The following EPB41 variants were observed in gnomAD, a reference collection of about 807,000 sequenced individuals.
EPB41 encodes the protein protein 4.1.
A neutral mutation model predicts 108.0 loss-of-function variants in EPB41; 65 were observed. The observed-to-expected ratio is 0.60, with a 90% CI of 0.49 to 0.74. The LOEUF (loss-of-function observed/expected upper bound fraction) is 0.74. Ranked by LOEUF, EPB41 falls within the 30% of genes least tolerant of loss-of-function variation. The pLI is 0.00. For synonymous variants in EPB41, 336 were observed against 358.9 expected, an observed-to-expected ratio of 0.94 and a Z score of 0.72; for missense variants, 875 against 1,037.0, an observed-to-expected ratio of 0.84 and a Z score of 2.15.
intron 16 of EPB41, among the ~76,000 whole-genome samples, chr1:29,082,632 G>A (rs1399967047): frequency 6.6e-6 from 1 of 152,044 alleles, no homozygotes; most frequent in Non-Finnish European, 1.5e-5. Flanking sequence ...AAATAAAACT[G>A]ACCACCAAAC....
chr1:29,039,143 A>G (rs1640571049), intron 10 of EPB41, 111 bp from the exon 11 acceptor site: 1 of 1,221,926 alleles, frequency 8.2e-7, no homozygotes. Flanking sequence ...AACTATATGG[A>G]AACCCTGAGA....
chr1:29,027,550 C>G (rs1447691923), intron 7 of EPB41, among the ~76,000 whole-genome samples: 2 of 151,514 alleles, frequency 1.3e-5, no homozygotes, highest in Non-Finnish European at 2.9e-5. Context: ...AGGCTGGTCT[C>G]AAACTCCCAA....
chr1:29,041,642 C>T (rs1352592432), intron 11 of EPB41, among the ~76,000 whole-genome samples: 2 of 149,736 alleles, frequency 1.3e-5, no homozygotes, highest in South Asian at 2.1e-4. Flanking sequence ...AGTGGGACGC[C>T]GTCTCAAAAA....
chr1:28,980,215 G>A (rs1359583732), intron 1 of EPB41, among the ~76,000 whole-genome samples: 8 of 152,110 alleles, frequency 5.3e-5, no homozygotes, highest in African/African-American at 1.9e-4. Flanking sequence ...GTGCGTGCTT[G>A]TAGTTTCAGC....
intron 1 of EPB41, among the ~76,000 whole-genome samples, chr1:28,956,347 G>C (rs1189614309): frequency 6.6e-6 from 1 of 152,230 alleles, no homozygotes; most frequent in African/African-American, 2.4e-5. Flanking sequence ...GAGAGAGAGA[G>C]AACTGGGCTT....
At chr1:28,984,724 C>CA (rs1308649768) in intron 1 of EPB41, among the ~76,000 whole-genome samples, 1 of 150,822 alleles carries the variant, frequency 6.6e-6, no homozygotes, top group Admixed American at 6.6e-5. Context: ...GTGGCATGAT[C>CA]ATGGCTCACT....
At chr1:28,972,605 GT>G (rs552422214) in intron 1 of EPB41, among the ~76,000 whole-genome samples, 44 of 145,138 alleles carry the variant, frequency 3.0e-4, no homozygotes, top group South Asian at 4.4e-4. Context: ...ATGGCAAGCA[GT>G]TTTTTTTTTT....
At chr1:29,048,182 A>T (rs1282242445) in intron 11 of EPB41, among the ~76,000 whole-genome samples, 2 of 151,814 alleles carry the variant, frequency 1.3e-5, no homozygotes, top group South Asian at 2.1e-4. Flanking sequence ...TTTTCCTATT[A>T]TATATAGTTT....
rs548317120 is a variant in EPB41, at chr1:29,050,373, C to T, written c.1637-2731C>T. Among the ~76,000 whole-genome samples the T allele has an allele frequency of 3.3e-5, 5 of 152,350 alleles. No homozygotes were observed. The South Asian group carries it at 1.0e-3, about 32-fold the overall frequency. On this transcript the variant is annotated intron_variant, in intron 11 of 20. Coordinates refer to ENST00000343067, the MANE Select transcript of EPB41 (RefSeq NM_001376013.1). ...ATTAGTACTGGATTGAAACCAAAGA[C>T]AAGTGGCAAAATAACACATGGTGAA... is the stretch of plus-strand genomic sequence containing the variant.
At chr1:28,976,632 G>A (rs1412133778) in intron 1 of EPB41, among the ~76,000 whole-genome samples, 1 of 152,068 alleles carries the variant, frequency 6.6e-6, no homozygotes, top group Non-Finnish European at 1.5e-5. Flanking sequence ...GGGATTACAG[G>A]TGTAAGCCAC....
rs1668383166 is a variant in EPB41, at chr1:29,109,327, C to T, written c.2314-9C>T. The stretch of plus-strand genomic sequence containing the variant: ...GAGGCATGATGATGAGCCATGCTTT[C>T]TTCTGCAGACTGACGACAACAGTGG... On this transcript the variant is annotated splice_polypyrimidine_tract_variant and intron_variant, in intron 17 of 20. Coordinates refer to ENST00000343067, the MANE Select transcript of EPB41 (RefSeq NM_001376013.1). 2 of 1,612,060 alleles carry T rather than the reference C, an allele frequency of 1.2e-6. No individual in the cohort carries two copies. The highest frequency in any genetic ancestry group is 1.3e-5 in the African/African-American group (1 of 74,884).
intron 12 of EPB41, 64 bp downstream of exon 12, chr1:29,053,376 C>A (rs1281264852): frequency 1.3e-6 from 2 of 1,573,292 alleles, no homozygotes; most frequent in Admixed American, 3.4e-5. Context: ...AACTTTTTGA[C>A]CAGGAACGTT....
chr1:28,940,470 G>C (rs1286875457), intron 1 of EPB41, among the ~76,000 whole-genome samples: 3 of 151,994 alleles, frequency 2.0e-5, no homozygotes, highest in South Asian at 4.1e-4. Flanking sequence ...TGGTCAGCAT[G>C]GTGAAACCCC....
chr1:29,108,028 CAAAAAAAA>C (rs1174568864), intron 17 of EPB41, among the ~76,000 whole-genome samples: 1 of 44,352 alleles, frequency 2.3e-5, no homozygotes, highest in Non-Finnish European at 4.8e-5. Context: ...GACTCCATCT[CAAAAAAAA>C]AAAAAAAAAA....
chr1:29,021,028 C>T (rs192976433), intron 7 of EPB41, among the ~76,000 whole-genome samples: 83 of 152,224 alleles, frequency 5.5e-4, no homozygotes, highest in Non-Finnish European at 1.0e-3. Context: ...CTTGATTCTC[C>T]TTTATAGAAT....
chr1:28,977,561 C>CTTTG (rs769430378), intron 1 of EPB41, among the ~76,000 whole-genome samples: 10 of 150,718 alleles, frequency 6.6e-5, no homozygotes, highest in East Asian at 2.0e-4. Flanking sequence ...TGTGTAGATT[C>CTTTG]TTTGTTTGTT....
At chr1:29,069,296 T>C (rs1024344897) in intron 16 of EPB41, 1 of 1,231,508 alleles carries the variant, frequency 8.1e-7, no homozygotes, top group African/African-American at 1.6e-5. Context: ...CTTTCATAGA[T>C]AACATCTGTC....
chr1:28,927,231 A>G (rs1239781856), intron 1 of EPB41, among the ~76,000 whole-genome samples: 4 of 152,172 alleles, frequency 2.6e-5, no homozygotes, highest in Middle Eastern at 3.2e-3. Flanking sequence ...ATAGCAAGTG[A>G]TTTTGCAGTT....
At chr1:29,035,770 C>T in intron 9 of EPB41, 56 bp from the exon 10 acceptor site, 1 of 1,256,880 alleles carries the variant, frequency 8.0e-7, no homozygotes, top group East Asian at 2.3e-5. Context: ...TCACTGTAAT[C>T]TGGTACTGTA....
Sources: allele counts gnomAD v4.1 joint callset (sites outside exome capture counted in the v4.1 genomes callset), GRCh38; gene constraint gnomAD v4.1.1; transcripts MANE v1.5; gene names NCBI Gene and HGNC (gene_info 2026-07-23, HGNC 2026-07-21).